The following PAM16 variants were observed in gnomAD, a reference collection of about 807,000 sequenced individuals.
PAM16 encodes presequence translocase associated motor 16.
In PAM16, 11 loss-of-function variants were observed where a neutral mutation model predicts 17.9. That is an observed-to-expected ratio of 0.62 (90% CI 0.39 to 1.02). PAM16 has a LOEUF of 1.02. Among genes scored for constraint, PAM16 ranks in the 50% least tolerant of loss-of-function variants. The pLI is 0.01. For synonymous variants in PAM16, 72 were observed against 67.4 expected, an observed-to-expected ratio of 1.07 and a Z score of -0.34; for missense variants, 199 against 165.4, an observed-to-expected ratio of 1.20 and a Z score of -1.11.
chr16:4,342,390 C>A (rs2053662878), intron 2 of PAM16, among the ~76,000 whole-genome samples: 1 of 151,426 alleles, frequency 6.6e-6, no homozygotes, highest in Non-Finnish European at 1.5e-5. Flanking sequence ...TGCGGTGGCT[C>A]ACGCCTGTAA....
chr16:4,344,533 TGTGAGAGGAGGGGGTTCC>T (rs1196331160), intron 1 of PAM16, among the ~76,000 whole-genome samples: 12 of 63,178 alleles, frequency 1.9e-4, no homozygotes, highest in Admixed American at 6.9e-4. Context: ...AAGGGGACTG[TGTGAGAGGAGGGGGTTCC>T]GTGAGAGGAG....
chr16:4,350,069 T>A (rs1246372577), intron 1 of PAM16, among the ~76,000 whole-genome samples: 7 of 152,126 alleles, frequency 4.6e-5, no homozygotes, highest in Non-Finnish European at 8.8e-5. Context: ...GGAACTTACG[T>A]GTGCAGAACC....
At chr16:4,345,207 T>C (rs956813798) in intron 1 of PAM16, 2 of 152,154 alleles carry the variant, frequency 1.3e-5, no homozygotes, top group Admixed American at 6.5e-5. Flanking sequence ...GACTTTCCCT[T>C]TCTTCCTAGT....
chr16:4,342,216 G>C lies in PAM16; in HGVS notation c.89-712C>G, dbSNP rs145964815. ...TTACTAAAAATACAAAAATCAGCTG[G>C]GTGTGGTGGCACATGCCTGTAGTCC... On this transcript the variant is annotated intron_variant, in intron 2 of 4. Transcript: ENST00000318059. Among the ~76,000 whole-genome samples, 957 of 152,338 alleles carry C rather than the reference G, an allele frequency of 6.3e-3. 7 individuals are homozygous for C. Among genetic ancestry groups the C allele is most frequent in the Non-Finnish European group, 8.8e-3 (596 of 68,022 alleles).
At chr16:4,346,096 G>C (rs1471503426) in intron 1 of PAM16, 1 of 438,770 alleles carries the variant, frequency 2.3e-6, no homozygotes, top group Non-Finnish European at 3.0e-6. Flanking sequence ...AAAGCGGCGT[G>C]GTGGCCTGTG....
chr16:4,343,736 C>T (rs1294133813), intron 1 of PAM16: 8 of 431,520 alleles, frequency 1.9e-5, no homozygotes, highest in Admixed American at 8.3e-5. Context: ...ACTTTACCAA[C>T]GGGGAAACAG....
At chr16:4,344,455 G>T (rs2053710210) in intron 1 of PAM16, among the ~76,000 whole-genome samples, 1 of 144,388 alleles carries the variant, frequency 6.9e-6, no homozygotes, top group African/African-American at 2.6e-5. Flanking sequence ...TGAGAGGAGG[G>T]GACTGTGTGA....
At chr16:4,344,310 C>G (rs1407393162) in intron 1 of PAM16, among the ~76,000 whole-genome samples, 1 of 7,256 alleles carries the variant, frequency 1.4e-4, no homozygotes, top group Non-Finnish European at 2.1e-4. Flanking sequence ...GGAGGGGGTT[C>G]TGTGAGAGGA....
intron 1 of PAM16, chr16:4,343,660 T>A (rs772017875): frequency 3.0e-5 from 28 of 918,816 alleles, no homozygotes; most frequent in Non-Finnish European, 4.1e-5. Flanking sequence ...TGGCAGTAAC[T>A]CACTCTCGAC....
At chr16:4,349,970 C>T (rs2053821885) in intron 1 of PAM16, among the ~76,000 whole-genome samples, 1 of 152,080 alleles carries the variant, frequency 6.6e-6, no homozygotes, top group Non-Finnish European at 1.5e-5. Context: ...CAGGGGCTGG[C>T]ACTTGTACGC....
intron 1 of PAM16, among the ~76,000 whole-genome samples, chr16:4,349,731 C>G (rs1378737356): frequency 6.6e-6 from 1 of 152,132 alleles, no homozygotes; most frequent in African/African-American, 2.4e-5. Context: ...CGCTCCACTG[C>G]ATCCTAGCCG....
intron 3 of PAM16, 86 bp downstream of exon 3, chr16:4,341,282 C>T (rs1246229954): frequency 1.3e-6 from 2 of 1,502,564 alleles, no homozygotes; most frequent in East Asian, 2.5e-5. Flanking sequence ...GCCTCCACAT[C>T]GGACCTCCCT....
intron 2 of PAM16, 96 bp downstream of exon 2, chr16:4,343,111 C>A: frequency 1.3e-6 from 2 of 1,550,962 alleles, no homozygotes. Flanking sequence ...GCCACGCACA[C>A]TTCAGAACCG....
In PAM16 at chr16:4,341,363, C is replaced by T. The variant is rs1388460780; in HGVS notation, c.225+5G>A. On this transcript the variant is annotated splice_donor_5th_base_variant and intron_variant, in intron 3 of 4. Transcript: ENST00000318059. ...TCAAACTTTGGGGTGGCCCAGTGGCCTCACCTTCTGGACCTCCTCAGGGCT... is the reference window on the plus strand; with the variant it reads ...TCAAACTTTGGGGTGGCCCAGTGGCTTCACCTTCTGGACCTCCTCAGGGCT... 3 of 1,570,206 alleles carry T rather than the reference C, an allele frequency of 1.9e-6. No homozygotes were observed. The highest frequency in any genetic ancestry group is 2.6e-6 in the Non-Finnish European group (3 of 1,157,546).
chr16:4,343,491 C>G (rs2053684294), intron 1 of PAM16, 200 bp from the exon 2 acceptor site: 1 of 1,427,162 alleles, frequency 7.0e-7, no homozygotes, highest in African/African-American at 1.4e-5. Context: ...ACTGGACAGG[C>G]AGGCAGGCGG....
chr16:4,349,372 A>T (rs1445976596), intron 1 of PAM16, among the ~76,000 whole-genome samples: 1 of 152,174 alleles, frequency 6.6e-6, no homozygotes, highest in Non-Finnish European at 1.5e-5. Flanking sequence ...GTTTGAGACC[A>T]GCCTGGCAAC....
intron 1 of PAM16, among the ~76,000 whole-genome samples, chr16:4,349,879 G>A (rs2053820529): frequency 6.6e-6 from 1 of 152,170 alleles, no homozygotes. Context: ...CTGGGGCTCA[G>A]GTTCCTTATC....
intron 1 of PAM16, chr16:4,345,779 G>A: frequency 1.3e-5 from 12 of 938,764 alleles, no homozygotes; most frequent in Non-Finnish European, 1.4e-5. Context: ...GACACCTGCG[G>A]TCTCACCTGA....
At chr16:4,341,570 T>A in intron 2 of PAM16, 66 bp from the exon 3 acceptor site, 1 of 1,521,140 alleles carries the variant, frequency 6.6e-7, no homozygotes, top group South Asian at 1.2e-5. Flanking sequence ...GCCTTCCGAG[T>A]TGGTGGCTCA....
Sources: gnomAD v4.1 joint callset for allele counts (sites outside exome capture counted in the v4.1 genomes callset) on GRCh38, gnomAD v4.1.1 for gene constraint, MANE v1.5 for transcripts, NCBI Gene and HGNC (gene_info 2026-07-23, HGNC 2026-07-21) for gene names.